Variants in TSPAN18 observed in about 807,000 individuals in gnomAD.
The protein encoded by TSPAN18 is tetraspanin-18.
In TSPAN18, 14 loss-of-function variants were observed where a neutral mutation model predicts 27.3. The observed-to-expected ratio is 0.51, with a 90% CI of 0.34 to 0.80. The LOEUF (loss-of-function observed/expected upper bound fraction) is 0.80. Among genes scored for constraint, TSPAN18 ranks in the 30% least tolerant of loss-of-function variants. The probability of loss-of-function intolerance (pLI) is 0.01; values close to 1 mark genes in which losing one functional copy is unlikely to be tolerated. For missense variants in TSPAN18, 268 were observed against 323.9 expected, an observed-to-expected ratio of 0.83 and a Z score of 1.32; for synonymous variants, 143 against 136.5, an observed-to-expected ratio of 1.05 and a Z score of -0.33.
At chr11:44,727,867 G>A (rs1854555049) in intron 1 of TSPAN18, among the ~76,000 whole-genome samples, 1 of 152,192 alleles carries the variant, frequency 6.6e-6, no homozygotes, top group Admixed American at 6.5e-5. Flanking sequence ...TTGGGGAAGT[G>A]GAGACTCCAT....
intron 3 of TSPAN18, among the ~76,000 whole-genome samples, chr11:44,865,940 G>A (rs986032944): frequency 9.9e-5 from 15 of 152,240 alleles, no homozygotes; most frequent in African/African-American, 1.7e-4. Context: ...GGCCTGAGCC[G>A]AACCACATTC....
intron 1 of TSPAN18, among the ~76,000 whole-genome samples, chr11:44,741,349 T>G (rs59988197): frequency 0.13 from 19,367 of 152,180 alleles, 2,496 homozygotes; most frequent in East Asian, 0.68. Context: ...CTTTTAAAAA[T>G]GTGGTTGCTA....
At chr11:44,820,851 C>G (rs11038166) in intron 2 of TSPAN18, among the ~76,000 whole-genome samples, 57,828 of 152,024 alleles carry the variant, frequency 0.38, 11,409 homozygotes, top group Non-Finnish European at 0.41. Flanking sequence ...TAGCTTCTCT[C>G]TTGCTCCCTC....
At chr11:44,795,456 T>C (rs1856327134) in intron 2 of TSPAN18, among the ~76,000 whole-genome samples, 2 of 152,130 alleles carry the variant, frequency 1.3e-5, no homozygotes, top group African/African-American at 4.8e-5. Flanking sequence ...AAAGTGGTCA[T>C]GATGGTATCC....
intron 2 of TSPAN18, among the ~76,000 whole-genome samples, chr11:44,824,979 C>A (rs906837792): frequency 2.6e-5 from 4 of 152,198 alleles, no homozygotes; most frequent in Non-Finnish European, 4.4e-5. Flanking sequence ...TAGACACAGA[C>A]ACTAAACCCA....
intron 2 of TSPAN18, among the ~76,000 whole-genome samples, chr11:44,846,378 C>T (rs940590497): frequency 1.3e-5 from 2 of 152,218 alleles, no homozygotes; most frequent in African/African-American, 4.8e-5. Context: ...TACCTTCTTG[C>T]GGAGTGTTGG....
At chr11:44,882,585 G>GAC (rs199874715) in intron 3 of TSPAN18, among the ~76,000 whole-genome samples, 6,264 of 91,616 alleles carry the variant, frequency 0.068, 314 homozygotes, top group Admixed American at 0.17. Context: ...GTCAGAGAGA[G>GAC]AGACACACAC....
intron 1 of TSPAN18, among the ~76,000 whole-genome samples, chr11:44,763,394 G>C (rs1855497203): frequency 6.6e-6 from 1 of 152,134 alleles, no homozygotes; most frequent in Non-Finnish European, 1.5e-5. Context: ...CTGGTGACCT[G>C]GGGATGCTTC....
chr11:44,857,893 CAT>C (rs79405632), intron 2 of TSPAN18, among the ~76,000 whole-genome samples: 35,213 of 151,972 alleles, frequency 0.23, 4,392 homozygotes, highest in Non-Finnish European at 0.26. Context: ...TGCCAACAGT[CAT>C]GTGCACACAT....
At chr11:44,846,514 G>A (rs191201913) in intron 2 of TSPAN18, among the ~76,000 whole-genome samples, 20 of 152,248 alleles carry the variant, frequency 1.3e-4, no homozygotes, top group Admixed American at 1.0e-3. Context: ...CAGAACACTC[G>A]ACAAACGTCA....
chr11:44,790,603 C>T (rs1299409262), intron 2 of TSPAN18, among the ~76,000 whole-genome samples: 2 of 148,344 alleles, frequency 1.3e-5, no homozygotes, highest in East Asian at 1.9e-4. Flanking sequence ...CGTGTGTGTG[C>T]ATGTGTTCGT....
chr11:44,811,280 T>G (rs1257041180), intron 2 of TSPAN18, among the ~76,000 whole-genome samples: 1 of 152,168 alleles, frequency 6.6e-6, no homozygotes, highest in African/African-American at 2.4e-5. Context: ...TCTGATGTTT[T>G]GTTTTGTTTC....
intron 5 of TSPAN18, among the ~76,000 whole-genome samples, chr11:44,917,096 C>T (rs61879710): frequency 2.0e-5 from 3 of 152,346 alleles, no homozygotes; most frequent in South Asian, 2.1e-4. Flanking sequence ...AAGCAGGCAG[C>T]GCGCTGAGTG....
intron 1 of TSPAN18, among the ~76,000 whole-genome samples, chr11:44,760,633 A>G (rs1565137038): frequency 2.0e-5 from 3 of 152,208 alleles, no homozygotes; most frequent in South Asian, 4.1e-4. Context: ...TGGGCTGACC[A>G]AATTTTTCTT....
intron 3 of TSPAN18, among the ~76,000 whole-genome samples, chr11:44,875,707 C>T (rs542624206): frequency 6.6e-6 from 1 of 152,324 alleles, no homozygotes; most frequent in East Asian, 1.9e-4. Context: ...TAGCTCTTGG[C>T]CTCAGAGAAG....
chr11:44,882,283 C>T lies in TSPAN18; in HGVS notation c.-11+21814C>T, dbSNP rs151265719. 2.6e-5 allele frequency among the ~76,000 whole-genome samples: 4 copies of T among 152,238 alleles called. No homozygotes were observed. The East Asian group carries it at 7.8e-4, about 30-fold the overall frequency. ...TTCCTCTTCCTTAATTAAGGGGCAG[C>T]TGGGGGGAAATGAAACACCTACCCG... On this transcript the variant is annotated intron_variant, in intron 3 of 9. Transcript: ENST00000520358.
intron 1 of TSPAN18, among the ~76,000 whole-genome samples, chr11:44,735,232 T>G (rs1854763596): frequency 6.6e-6 from 1 of 152,234 alleles, no homozygotes. Flanking sequence ...CCTCACTCAC[T>G]CCTGCATCCA....
chr11:44,827,316 G>A (rs1466518752), intron 2 of TSPAN18, among the ~76,000 whole-genome samples: 1 of 152,248 alleles, frequency 6.6e-6, no homozygotes, highest in Admixed American at 6.5e-5. Context: ...GACGGAACAA[G>A]ACCAGCAAGC....
At chr11:44,824,647 C>T (rs1407853538) in intron 2 of TSPAN18, among the ~76,000 whole-genome samples, 4 of 152,240 alleles carry the variant, frequency 2.6e-5, no homozygotes, top group South Asian at 4.1e-4. Context: ...GCCCACGGGC[C>T]TGTGCCTGGG....
Sources: gnomAD v4.1 joint callset for allele counts (sites outside exome capture counted in the v4.1 genomes callset) on GRCh38, gnomAD v4.1.1 for gene constraint, MANE v1.5 for transcripts, NCBI Gene and HGNC (gene_info 2026-07-23, HGNC 2026-07-21) for gene names.